Variants in JARID2 observed in about 807,000 individuals in gnomAD.
JARID2 encodes the protein protein Jumonji.
A neutral mutation model predicts 125.6 loss-of-function variants in JARID2; 21 were observed. That is an observed-to-expected ratio of 0.17 (90% CI 0.12 to 0.24). The LOEUF (loss-of-function observed/expected upper bound fraction) is 0.24. JARID2 is among the 10% of genes least tolerant of loss of function. The probability of loss-of-function intolerance (pLI) is 1.00; values close to 1 mark genes in which losing one functional copy is unlikely to be tolerated. For missense variants in JARID2, 1,303 were observed against 1,639.6 expected, an observed-to-expected ratio of 0.79 and a Z score of 3.55; for synonymous variants, 736 against 661.6, an observed-to-expected ratio of 1.11 and a Z score of -1.73.
In JARID2 at chr6:15,247,938, T is replaced by G. The variant is rs542035317; in HGVS notation, c.45+1354T>G. On this transcript the variant is annotated intron_variant, in intron 1 of 17. Coordinates refer to ENST00000341776, the MANE Select transcript of JARID2 (RefSeq NM_004973.4). ...ACTGAGGCAACCTTGTCTTGGAGCG[T>G]GGACGCCTTCCCGGGGCACGTCCGT... is the stretch of plus-strand genomic sequence containing the variant. 117 of 985,480 alleles carry G rather than the reference T, an allele frequency of 1.2e-4. No individual in the cohort carries two copies. The African/African-American group carries it at 1.9e-3, about 16-fold the overall frequency. The allele number at this position is 985,480 out of a possible 1,614,324, so 61.0% of individuals were successfully genotyped here. A position where few individuals can be genotyped will look rare whatever the true frequency, so the allele number is the denominator to read the frequency against.
chr6:15,374,313 C>A (rs2072820), intron 2 of JARID2, 61 bp downstream of exon 2: 1 of 1,572,714 alleles, frequency 6.4e-7, no homozygotes, highest in East Asian at 2.2e-5. Flanking sequence ...TGGACTTGTT[C>A]CTGAATTGGA....
chr6:15,351,033 G>A (rs930625121), intron 1 of JARID2, among the ~76,000 whole-genome samples: 1 of 151,938 alleles, frequency 6.6e-6, no homozygotes, highest in South Asian at 2.1e-4. Context: ...TGGATTAAGG[G>A]TTACTAAATA....
At chr6:15,253,618 G>GT (rs906742204) in intron 1 of JARID2, among the ~76,000 whole-genome samples, 15 of 148,782 alleles carry the variant, frequency 1.0e-4, no homozygotes, top group Admixed American at 2.0e-4. Flanking sequence ...TGGGTTTCTG[G>GT]TTTTTTTTTT....
intron 2 of JARID2, among the ~76,000 whole-genome samples, chr6:15,387,925 A>T (rs1326975382): frequency 6.6e-6 from 1 of 152,054 alleles, no homozygotes; most frequent in African/African-American, 2.4e-5. Context: ...CATCTTATCT[A>T]CCTTTTGTGA....
intron 1 of JARID2, among the ~76,000 whole-genome samples, chr6:15,330,732 T>C (rs1049352530): frequency 1.3e-4 from 20 of 152,214 alleles, no homozygotes; most frequent in Non-Finnish European, 5.9e-5. Flanking sequence ...GTCATTATTA[T>C]TGGTGAATCA....
At chr6:15,419,069 C>T (rs973677016) in intron 3 of JARID2, among the ~76,000 whole-genome samples, 1 of 151,894 alleles carries the variant, frequency 6.6e-6, no homozygotes, top group Admixed American at 6.5e-5. Context: ...CTAGTTTTTA[C>T]TCATTCCTGT....
intron 8 of JARID2, among the ~76,000 whole-genome samples, 180 bp downstream of exon 8, chr6:15,501,589 A>C (rs571805543): frequency 2.6e-4 from 39 of 152,140 alleles, no homozygotes; most frequent in Non-Finnish European, 5.4e-4. Flanking sequence ...GAAATACTAC[A>C]GACTGGGGAA....
chr6:15,473,517 C>T (rs796532295), intron 5 of JARID2, among the ~76,000 whole-genome samples: 808 of 17,390 alleles, frequency 0.046, 98 homozygotes, highest in Non-Finnish European at 0.19. Context: ...TGTGCGTGCC[C>T]CCCCCCCCCC....
chr6:15,377,950 A>G (rs1465785293), intron 2 of JARID2, among the ~76,000 whole-genome samples: 1 of 146,650 alleles, frequency 6.8e-6, no homozygotes, highest in Non-Finnish European at 1.5e-5. Flanking sequence ...CAGTGGCGCT[A>G]TCTCTGCTCA....
intron 3 of JARID2, among the ~76,000 whole-genome samples, chr6:15,444,248 CTG>C (rs1393973835): frequency 1.3e-5 from 2 of 152,192 alleles, no homozygotes; most frequent in East Asian, 1.9e-4. Flanking sequence ...CCGTTTAAAA[CTG>C]TGGGAACTGG....
rs564781749 is a variant in JARID2, at chr6:15,423,802, G to C, written c.323+13437G>C. Among the ~76,000 whole-genome samples the C allele has an allele frequency of 1.2e-4, 19 of 152,294 alleles. No individual in the cohort carries two copies. The South Asian group carries it at 3.9e-3, about 32-fold the overall frequency. ...CTCTGCTTCCCTTGGGGCCGTGATA[G>C]GGAAGAGGTGTGAACATGTGTCTGG... On this transcript the variant is annotated intron_variant, in intron 3 of 17. Transcript: ENST00000341776.
chr6:15,361,892 C>CT (rs58352410), intron 1 of JARID2, among the ~76,000 whole-genome samples: 3,383 of 121,130 alleles, frequency 0.028, 67 homozygotes, highest in African/African-American at 0.051. Context: ...TGGGAGCCCC[C>CT]TTTTTTTTTT....
intron 1 of JARID2, among the ~76,000 whole-genome samples, chr6:15,336,108 AATGAATG>A (rs1762869179): frequency 6.6e-6 from 1 of 152,208 alleles, no homozygotes; most frequent in African/African-American, 2.4e-5. Context: ...TGAATGAATG[AATGAATG>A]AATAAATAAA....
At chr6:15,349,179 TGGTAGATA>T (rs1763345344) in intron 1 of JARID2, among the ~76,000 whole-genome samples, 1 of 152,198 alleles carries the variant, frequency 6.6e-6, no homozygotes, top group African/African-American at 2.4e-5. Flanking sequence ...AGGGGTGATG[TGGTAGATA>T]GGTCCTGGTT....
At chr6:15,411,338 A>C (rs1034367582) in intron 3 of JARID2, among the ~76,000 whole-genome samples, 3 of 152,122 alleles carry the variant, frequency 2.0e-5, no homozygotes, top group African/African-American at 4.8e-5. Flanking sequence ...TAGATATTTA[A>C]GATTCCTGTT....
chr6:15,253,252 A>G (rs1458990053), intron 1 of JARID2, among the ~76,000 whole-genome samples: 1 of 152,028 alleles, frequency 6.6e-6, no homozygotes, highest in African/African-American at 2.4e-5. Flanking sequence ...TTTAGTAAAG[A>G]CGGGGTTTCA....
At chr6:15,396,510 G>A (rs1038370677) in intron 2 of JARID2, among the ~76,000 whole-genome samples, 1 of 152,110 alleles carries the variant, frequency 6.6e-6, no homozygotes, top group African/African-American at 2.4e-5. Context: ...ACAGTAGTCC[G>A]CCCATATCCA....
chr6:15,298,883 TAC>T (rs1222355835), intron 1 of JARID2, among the ~76,000 whole-genome samples: 1 of 151,500 alleles, frequency 6.6e-6, no homozygotes, highest in African/African-American at 2.4e-5. Flanking sequence ...ATGTATTACT[TAC>T]AAAAACACTC....
chr6:15,268,029 G>A (rs11759040), intron 1 of JARID2, among the ~76,000 whole-genome samples: 14,962 of 152,172 alleles, frequency 0.098, 952 homozygotes, highest in South Asian at 0.2. Flanking sequence ...GGTGATGGAC[G>A]ACAGTGGGAC....
Sources: allele counts gnomAD v4.1 joint callset (sites outside exome capture counted in the v4.1 genomes callset), GRCh38; gene constraint gnomAD v4.1.1; transcripts MANE v1.5; gene names NCBI Gene and HGNC (gene_info 2026-07-23, HGNC 2026-07-21).